Variants in SPOCK3 observed in about 807,000 individuals in gnomAD.
The protein encoded by SPOCK3 is SPARC (osteonectin), cwcv and kazal like domains proteoglycan 3, also known as testican-3.
SPOCK3 carries 30 observed loss-of-function variants against 56.6 expected under a neutral mutation model. The ratio of observed to expected loss-of-function variants is 0.53; its 90% CI spans 0.40 to 0.72. The LOEUF (loss-of-function observed/expected upper bound fraction) is 0.72. Ranked by LOEUF, SPOCK3 falls within the 30% of genes least tolerant of loss-of-function variation. The pLI, the probability that SPOCK3 is intolerant of heterozygous loss-of-function variation, is 0.00. For missense variants in SPOCK3, 527 were observed against 530.0 expected, an observed-to-expected ratio of 0.99 and a Z score of 0.06; for synonymous variants, 196 against 183.3, an observed-to-expected ratio of 1.07 and a Z score of -0.56.
chr4:167,063,403 GCCAAAAGAGAGTAGCACA>G (rs1755798004), intron 2 of SPOCK3, among the ~76,000 whole-genome samples: 1 of 151,742 alleles, frequency 6.6e-6, no homozygotes, highest in African/African-American at 2.4e-5. Context: ...ATGGTAACCT[GCCAAAAGAGAGTAGCACA>G]TCATGGTGAA....
intron 2 of SPOCK3, among the ~76,000 whole-genome samples, chr4:167,096,632 T>G (rs1759181845): frequency 6.6e-6 from 1 of 151,852 alleles, no homozygotes; most frequent in African/African-American, 2.4e-5. Context: ...TTTCAATTAT[T>G]TTTATTTTTT....
intron 6 of SPOCK3, among the ~76,000 whole-genome samples, chr4:166,822,056 C>T (rs1452840471): frequency 1.3e-5 from 2 of 151,772 alleles, no homozygotes; most frequent in Non-Finnish European, 2.9e-5. Context: ...GGAAATATTT[C>T]TGTCTTTTTT....
intron 3 of SPOCK3, among the ~76,000 whole-genome samples, chr4:167,033,681 T>A (rs1391899359): frequency 6.6e-6 from 1 of 151,886 alleles, no homozygotes; most frequent in Non-Finnish European, 1.5e-5. Flanking sequence ...ACACATGAAT[T>A]AGGATGCTCA....
rs2305593 is a variant in SPOCK3 at position 166,754,484 on chromosome 4, G to T, written c.931+24C>A. 5.0e-6 allele frequency: 8 copies of T among 1,589,310 alleles called. No individual in the cohort carries two copies. In the Admixed American group the frequency reaches 1.4e-4, roughly 27 times the overall value. ...TTTGACATGCAGGTCAACTATTTGC[G>T]TCTGTAAGGGTCTCATCTTTTACCT... On this transcript the variant is annotated intron_variant, in intron 8 of 10. Transcript: ENST00000357545.
intron 7 of SPOCK3, among the ~76,000 whole-genome samples, chr4:166,773,879 T>C (rs1238513327): frequency 6.6e-6 from 1 of 152,160 alleles, no homozygotes; most frequent in Non-Finnish European, 1.5e-5. Flanking sequence ...CAAATGGGGC[T>C]TATAGGATAT....
intron 3 of SPOCK3, among the ~76,000 whole-genome samples, chr4:167,061,747 A>G (rs189824985): frequency 6.6e-6 from 1 of 152,142 alleles, no homozygotes; most frequent in Non-Finnish European, 1.5e-5. Context: ...CGGTTACTAT[A>G]TACTCTATGT....
chr4:166,821,737 G>A (rs537315553), intron 6 of SPOCK3, among the ~76,000 whole-genome samples: 2 of 152,120 alleles, frequency 1.3e-5, no homozygotes, highest in South Asian at 4.1e-4. Context: ...GTTGCCAGGA[G>A]ATGGAGATGG....
In SPOCK3 at chr4:166,819,828, T is replaced by C. The variant is rs141163067; in HGVS notation, c.590-27539A>G. Among the ~76,000 whole-genome samples, 338 of 151,852 alleles carry C rather than the reference T, an allele frequency of 2.2e-3. 1 individual carries two copies. Among genetic ancestry groups the C allele is most frequent in the African/African-American group, 7.7e-3 (317 of 41,434 alleles). ...TTGAACTCCTGGGTTCAAGCAATCCTCCTGCATGAGCTTTCCAAGTAGATG... is the reference window on the plus strand; with the variant it reads ...TTGAACTCCTGGGTTCAAGCAATCCCCCTGCATGAGCTTTCCAAGTAGATG... On this transcript the variant is annotated intron_variant, in intron 6 of 10. Transcript: ENST00000357545.
At chr4:166,978,754 T>A (rs1218719402) in intron 4 of SPOCK3, among the ~76,000 whole-genome samples, 3 of 152,110 alleles carry the variant, frequency 2.0e-5, no homozygotes, top group Non-Finnish European at 4.4e-5. Flanking sequence ...TCAAAGTAAC[T>A]TATTGAGTAT....
intron 5 of SPOCK3, among the ~76,000 whole-genome samples, chr4:166,902,245 A>G (rs1302542659): frequency 1.3e-5 from 2 of 152,080 alleles, no homozygotes; most frequent in Non-Finnish European, 2.9e-5. Context: ...ATGGTACAAT[A>G]TTTTTGGTAG....
At chr4:167,182,311 C>T (rs1731538776) in intron 2 of SPOCK3, among the ~76,000 whole-genome samples, 1 of 151,390 alleles carries the variant, frequency 6.6e-6, no homozygotes, top group Non-Finnish European at 1.5e-5. Flanking sequence ...TTAGCCAGAA[C>T]TAACATGATC....
At chr4:167,197,921 G>A (rs1422573709) in intron 2 of SPOCK3, among the ~76,000 whole-genome samples, 1 of 152,012 alleles carries the variant, frequency 6.6e-6, no homozygotes, top group East Asian at 1.9e-4. Flanking sequence ...ATTCCAAAAG[G>A]GCCAACCAAT....
intron 2 of SPOCK3, among the ~76,000 whole-genome samples, chr4:167,166,210 T>G (rs1259774423): frequency 6.6e-6 from 1 of 152,080 alleles, no homozygotes; most frequent in Admixed American, 6.6e-5. Context: ...TTTACACTAT[T>G]TTAATATTCC....
intron 7 of SPOCK3, among the ~76,000 whole-genome samples, chr4:166,776,964 A>T (rs1480191219): frequency 6.6e-6 from 1 of 152,212 alleles, no homozygotes; most frequent in Non-Finnish European, 1.5e-5. Flanking sequence ...ACTGAAGGAC[A>T]TTGAGAAAAC....
intron 5 of SPOCK3, among the ~76,000 whole-genome samples, chr4:166,903,651 G>GT (rs573478645): frequency 0.016 from 2,403 of 151,938 alleles, 64 homozygotes; most frequent in East Asian, 0.059. Flanking sequence ...TTATTGACAG[G>GT]TGTTTTGTTT....
chr4:166,851,257 C>T (rs2126872849), intron 6 of SPOCK3, among the ~76,000 whole-genome samples: 1 of 152,260 alleles, frequency 6.6e-6, no homozygotes, highest in South Asian at 2.1e-4. Context: ...AGCTGAGGGT[C>T]CTGTCTGTTA....
In SPOCK3 at chr4:166,944,152, A is replaced by T. The variant is rs185308095; in HGVS notation, c.351-31409T>A. Among the ~76,000 whole-genome samples, 8 of 152,176 alleles carry T rather than the reference A, an allele frequency of 5.3e-5. No individual in the cohort carries two copies. In the East Asian group the frequency reaches 5.8e-4, roughly 11 times the overall value. On this transcript the variant is annotated intron_variant, in intron 4 of 10. Coordinates refer to ENST00000357545, the MANE Select transcript of SPOCK3 (RefSeq NM_001040159.2). ...ACAGAGCAAGACTGTCTCAAAAAAA[A>T]TTTTTTTTGAAAAAATTAAAAAATG...
Position 167,079,398 on chromosome 4 carries a change from A to G in SPOCK3, c.190-16861T>C, listed in dbSNP as rs186858975. Among the ~76,000 whole-genome samples, 346 of 152,060 alleles carry G rather than the reference A, an allele frequency of 2.3e-3. 2 individuals carry two copies. Among genetic ancestry groups the G allele is most frequent in the South Asian group, 2.1e-3 (10 of 4,830 alleles). Reference sequence around the variant, plus strand: ...TTTTCTTTGAACATTTCTGGGTTTAATTATCTGGAATAAACTGTTCCTCTT... The same window carrying G: ...TTTTCTTTGAACATTTCTGGGTTTAGTTATCTGGAATAAACTGTTCCTCTT... On this transcript the variant is annotated intron_variant, in intron 2 of 10. Coordinates refer to ENST00000357545, the MANE Select transcript of SPOCK3 (RefSeq NM_001040159.2).
At chr4:166,984,333 G>A (rs749439492) in intron 4 of SPOCK3, among the ~76,000 whole-genome samples, 10 of 152,014 alleles carry the variant, frequency 6.6e-5, no homozygotes, top group Middle Eastern at 6.8e-3. Context: ...ATAAAACATC[G>A]AAAACAATAC....
Sources: gnomAD v4.1 joint callset for allele counts (sites outside exome capture counted in the v4.1 genomes callset) on GRCh38, gnomAD v4.1.1 for gene constraint, MANE v1.5 for transcripts, NCBI Gene and HGNC (gene_info 2026-07-23, HGNC 2026-07-21) for gene names.